The following NKIRAS1 variants were observed in gnomAD, a reference collection of about 807,000 sequenced individuals.
NKIRAS1 encodes the protein NF-kappa-B inhibitor-interacting Ras-like protein 1.
NKIRAS1 carries 16 observed loss-of-function variants against 19.8 expected under a neutral mutation model. That is an observed-to-expected ratio of 0.81 (90% confidence interval 0.55 to 1.23). NKIRAS1 has a LOEUF of 1.23. NKIRAS1 is among the 50% of genes most tolerant of loss of function. The pLI is 0.00. For missense variants in NKIRAS1, 184 were observed against 220.0 expected (o/e 0.84, Z 1.04); for synonymous variants, 88 against 79.0 (o/e 1.11, Z -0.61).
At chr3:23,917,563 C>T (rs888437796), upstream of NKIRAS1, 1 of 303,978 alleles carries the variant, frequency 3.3e-6, no homozygotes, top group Non-Finnish European at 6.1e-6. Flanking sequence ...TCCTTGGGGA[C>T]GCCGCCTGCC....
chr3:23,907,185 C>T (rs1422278583), intron 3 of NKIRAS1, among the ~76,000 whole-genome samples: 1 of 152,210 alleles, frequency 6.6e-6, no homozygotes, highest in East Asian at 1.9e-4. Flanking sequence ...TGAGCCACCA[C>T]ACCCGGCTTC....
At chr3:23,910,156 C>CTTT (rs34240932) in intron 3 of NKIRAS1, among the ~76,000 whole-genome samples, 22 of 96,554 alleles carry the variant, frequency 2.3e-4, no homozygotes, top group Admixed American at 4.8e-4. Context: ...TGCGCTCGGC[C>CTTT]TTTTTTTTTT....
chr3:23,891,339 T>G lies in NKIRAS1; in HGVS notation c.*1756A>C, dbSNP rs903758145. On this transcript the variant is annotated 3_prime_UTR_variant, in exon 5 of 5. Transcript: ENST00000425478. ...ACACTGCTGTGTTCATTTACTTTTCTTTTGCCTTTTGGTTGCCATTCGCAG... is the reference window on the plus strand; with the variant it reads ...ACACTGCTGTGTTCATTTACTTTTCGTTTGCCTTTTGGTTGCCATTCGCAG... 8 of 152,234 alleles carry G rather than the reference T, an allele frequency of 5.3e-5. No homozygotes were observed. Among genetic ancestry groups the G allele is most frequent in the African/African-American group, 1.9e-4 (8 of 41,478 alleles). 9.4% of individuals were successfully genotyped at this position (152,234 alleles called of 1,614,324 possible).
At chr3:23,920,109 C>G (rs142246641), upstream of NKIRAS1, 8 of 985,826 alleles carry the variant, frequency 8.1e-6, no homozygotes, top group East Asian at 3.4e-4. Context: ...AATTATTAGC[C>G]TTAAGATTGG....
At chr3:23,896,447 G>C (rs9876865) in intron 4 of NKIRAS1, among the ~76,000 whole-genome samples, 11 of 151,320 alleles carry the variant, frequency 7.3e-5, no homozygotes, top group African/African-American at 2.7e-4. Context: ...AAACCCTGTC[G>C]TCTAAAAATA....
chr3:23,938,319 C>A (rs897711964), intron 1 of NKIRAS1, among the ~76,000 whole-genome samples: 4 of 151,816 alleles, frequency 2.6e-5, no homozygotes, highest in African/African-American at 9.7e-5. Context: ...AAACGATCCT[C>A]CCATCTCAGC....
chr3:23,918,064 A>G (rs1348530515), upstream of NKIRAS1: 22 of 1,585,134 alleles, frequency 1.4e-5, no homozygotes, highest in Non-Finnish European at 1.6e-5. Context: ...GCTTGGATAA[A>G]ATTATATTCG....
At chr3:23,944,808 A>G (rs1705586485) in intron 1 of NKIRAS1, among the ~76,000 whole-genome samples, 1 of 112,132 alleles carries the variant, frequency 8.9e-6, no homozygotes, top group African/African-American at 3.4e-5. Context: ...CTCAGAGACC[A>G]GCGTTTGGAG....
chr3:23,907,340 G>A (rs1470726343), intron 3 of NKIRAS1, among the ~76,000 whole-genome samples: 2 of 152,176 alleles, frequency 1.3e-5, no homozygotes. Context: ...TAAGCTATGA[G>A]TAGTTAAGTT....
intron 1 of NKIRAS1, among the ~76,000 whole-genome samples, chr3:23,933,129 G>A (rs1460582687): frequency 6.6e-6 from 1 of 152,144 alleles, no homozygotes; most frequent in East Asian, 1.9e-4. Flanking sequence ...CTGACCTACA[G>A]GAACTGTTAA....
intron 1 of NKIRAS1, chr3:23,945,422 ACGGCCTGGGGCCCGG>A: frequency 4.5e-6 from 1 of 219,842 alleles, no homozygotes; most frequent in Non-Finnish European, 8.1e-6. Flanking sequence ...TGTGCGCTGC[ACGGCCTGGGGCCCGG>A]GAGCCCCGCC....
At chr3:23,910,512 C>T (rs892502018) in intron 3 of NKIRAS1, among the ~76,000 whole-genome samples, 2 of 152,110 alleles carry the variant, frequency 1.3e-5, no homozygotes, top group African/African-American at 4.8e-5. Flanking sequence ...TGAATTTACA[C>T]CATTCATTAT....
intron 1 of NKIRAS1, chr3:23,946,132 C>A: frequency 1.0e-6 from 1 of 985,118 alleles, no homozygotes; most frequent in Non-Finnish European, 1.2e-6. Flanking sequence ...CCTCCTCCCC[C>A]GCGGGGTTGC....
chr3:23,938,396 G>T (rs1254732810), intron 1 of NKIRAS1, among the ~76,000 whole-genome samples: 1 of 151,960 alleles, frequency 6.6e-6, no homozygotes, highest in East Asian at 1.9e-4. Flanking sequence ...TTTTTATAGA[G>T]TTGGGGGGTC....
At chr3:23,937,612 C>T (rs947566312) in intron 1 of NKIRAS1, among the ~76,000 whole-genome samples, 24 of 151,356 alleles carry the variant, frequency 1.6e-4, no homozygotes, top group South Asian at 1.3e-3. Context: ...TTAACTGTGA[C>T]CGAGAGTATT....
intron 1 of NKIRAS1, among the ~76,000 whole-genome samples, chr3:23,914,137 G>A (rs1394508306): frequency 6.8e-6 from 1 of 147,504 alleles, no homozygotes; most frequent in Non-Finnish European, 1.5e-5. Flanking sequence ...CATTGCTAGA[G>A]AATAAATACA....
intron 3 of NKIRAS1, among the ~76,000 whole-genome samples, chr3:23,902,652 A>G (rs929584697): frequency 1.3e-5 from 2 of 152,138 alleles, no homozygotes; most frequent in African/African-American, 4.8e-5. Flanking sequence ...AGACCTTTTG[A>G]TATTTTGGTA....
chr3:23,913,138 T>C (rs1466583471), intron 1 of NKIRAS1, among the ~76,000 whole-genome samples: 1 of 150,922 alleles, frequency 6.6e-6, no homozygotes, highest in African/African-American at 2.4e-5. Context: ...ATCAGGATAA[T>C]AGGATTAACA....
Position 23,922,124 on chromosome 3 carries a change from C to G in NKIRAS1, c.-139-10674G>C, listed in dbSNP as rs1034045076. 1 of 153,410 alleles carries G rather than the reference C, an allele frequency of 6.5e-6. No homozygotes were observed. Among genetic ancestry groups the G allele is most frequent in the African/African-American group, 2.4e-5 (1 of 41,450 alleles). The allele number at this position is 153,410 out of a possible 1,614,324, so 9.5% of individuals were successfully genotyped here. On this transcript the variant is annotated intron_variant, in intron 1 of 4. Transcript: ENST00000421515. This position sits in a 1 kb window ranked among gnomAD's most constrained non-coding sequence, Gnocchi z 4.2. Reference sequence around the variant, plus strand: ...ATGAGTTAGAGAGCAGCCTGAGCAACGTGGTGAGAGCCCATCTCACAAAAA... The same window carrying G: ...ATGAGTTAGAGAGCAGCCTGAGCAAGGTGGTGAGAGCCCATCTCACAAAAA...
Sources: allele counts gnomAD v4.1 joint callset (sites outside exome capture counted in the v4.1 genomes callset), GRCh38; gene constraint gnomAD v4.1.1; non-coding constraint Gnocchi (gnomAD v3.1); transcripts MANE v1.5; gene names NCBI Gene and HGNC (gene_info 2026-07-23, HGNC 2026-07-21).